Variants in NTRK2 observed in about 807,000 individuals in gnomAD.
NTRK2 encodes neurotrophic receptor tyrosine kinase 2.
In NTRK2, 13 loss-of-function variants were observed where a neutral mutation model predicts 94.5. The observed-to-expected ratio is 0.14, with a 90% CI of 0.09 to 0.22. NTRK2 has a LOEUF of 0.22. Among genes scored for constraint, NTRK2 ranks in the 10% least tolerant of loss-of-function variants. NTRK2 has a pLI of 1.00. For missense variants in NTRK2, 639 were observed against 1,071.2 expected (o/e 0.60, Z 5.63); for synonymous variants, 372 against 407.4 (o/e 0.91, Z 1.05).
At chr9:84,856,293 G>T (rs1318466786) in intron 12 of NTRK2, among the ~76,000 whole-genome samples, 1 of 152,144 alleles carries the variant, frequency 6.6e-6, no homozygotes, top group Non-Finnish European at 1.5e-5. Flanking sequence ...TGGAGATGGG[G>T]CTTTCTTTTA....
intron 17 of NTRK2, among the ~76,000 whole-genome samples, chr9:85,010,566 C>T (rs1386227986): frequency 2.6e-5 from 4 of 152,168 alleles, no homozygotes; most frequent in Non-Finnish European, 4.4e-5. Context: ...CACCAGGCAG[C>T]GTGGTGTATT....
chr9:84,706,810 G>A (rs1158592032), intron 4 of NTRK2, among the ~76,000 whole-genome samples: 1 of 151,948 alleles, frequency 6.6e-6, no homozygotes, highest in South Asian at 2.1e-4. Context: ...GATTACAGGC[G>A]TGAGCCACCG....
chr9:84,850,056 A>G (rs1331994049), intron 12 of NTRK2, among the ~76,000 whole-genome samples: 1 of 152,250 alleles, frequency 6.6e-6, no homozygotes, highest in African/African-American at 2.4e-5. Context: ...GGTGTTTATC[A>G]TAAGAGACAA....
chr9:84,904,050 TC>T, intron 14 of NTRK2, among the ~76,000 whole-genome samples: 1 of 152,172 alleles, frequency 6.6e-6, no homozygotes, highest in Non-Finnish European at 1.5e-5. Flanking sequence ...TCCTTTTAAA[TC>T]CGAAGTTATT....
intron 12 of NTRK2, among the ~76,000 whole-genome samples, chr9:84,787,791 A>G (rs774436341): frequency 6.6e-6 from 1 of 152,226 alleles, no homozygotes; most frequent in East Asian, 1.9e-4. Context: ...ATAAGGGACT[A>G]TCTATAAATC....
chr9:84,875,089 G>T (rs200774617), intron 14 of NTRK2: 2 of 1,059,550 alleles, frequency 1.9e-6, no homozygotes, highest in African/African-American at 1.6e-5. Context: ...CACTGATATC[G>T]TTTGGATATA....
At chr9:84,960,868 A>G (rs1455606320) in intron 17 of NTRK2, among the ~76,000 whole-genome samples, 1 of 152,180 alleles carries the variant, frequency 6.6e-6, no homozygotes, top group East Asian at 1.9e-4. Context: ...GGCACAGGGC[A>G]TGGCGCATAT....
chr9:84,694,432 T>C (rs527719558), intron 2 of NTRK2, among the ~76,000 whole-genome samples: 146 of 152,336 alleles, frequency 9.6e-4, no homozygotes, highest in African/African-American at 3.4e-3. Context: ...TAGTAAGCTC[T>C]TCAAATTTAG....
Position 84,860,891 on chromosome 9 carries a change from G to GTTTATTTA in NTRK2, c.1397-113_1397-106dup, listed in dbSNP as rs143811359. On this transcript the variant is annotated intron_variant, in intron 12 of 18. Coordinates refer to ENST00000277120, the MANE Select transcript of NTRK2 (RefSeq NM_006180.6). ...AGGAAGCTTTCATCCCAAGTGGTTT[G>GTTTATTTA]TTTATTTATTTATTTATTTATTTAT... 1,226 of 379,094 alleles carry GTTTATTTA rather than the reference G, an allele frequency of 3.2e-3. 7 individuals carry two copies. Among genetic ancestry groups the GTTTATTTA allele is most frequent in the African/African-American group, 0.018 (851 of 46,518 alleles). 23.5% of individuals were successfully genotyped at this position (379,094 alleles called of 1,614,324 possible).
chr9:84,875,783 A>T, intron 14 of NTRK2: 1 of 1,049,636 alleles, frequency 9.5e-7, no homozygotes, highest in East Asian at 5.4e-5. Flanking sequence ...TCCTCTCCTG[A>T]TGTCTCAGGC....
chr9:84,756,586 C>A (rs1168653447), intron 12 of NTRK2, among the ~76,000 whole-genome samples: 1 of 152,198 alleles, frequency 6.6e-6, no homozygotes. Flanking sequence ...CATATGATAT[C>A]TAATTCCTAA....
chr9:84,870,866 A>G (rs1794281350), intron 14 of NTRK2, among the ~76,000 whole-genome samples: 1 of 152,180 alleles, frequency 6.6e-6, no homozygotes. Context: ...CTAAAACTGC[A>G]TGCTATTCAA....
At chr9:84,811,226 G>A (rs2071747338) in intron 12 of NTRK2, 1 of 1,063,440 alleles carries the variant, frequency 9.4e-7, no homozygotes, top group African/African-American at 1.6e-5. Flanking sequence ...GTTTAGCTTA[G>A]GTCTGAGAGT....
chr9:84,921,579 T>C (rs1187037878), intron 14 of NTRK2, among the ~76,000 whole-genome samples: 1 of 152,234 alleles, frequency 6.6e-6, no homozygotes, highest in Non-Finnish European at 1.5e-5. Flanking sequence ...ATTCCACTGA[T>C]TTTATACAGC....
At chr9:84,807,434 T>C (rs1210164229) in intron 12 of NTRK2, among the ~76,000 whole-genome samples, 1 of 152,236 alleles carries the variant, frequency 6.6e-6, no homozygotes, top group Admixed American at 6.5e-5. Flanking sequence ...ATTTCTCAGA[T>C]AGCACCTGCT....
chr9:84,748,515 G>C (rs2064293585), intron 11 of NTRK2, among the ~76,000 whole-genome samples: 1 of 152,176 alleles, frequency 6.6e-6, no homozygotes, highest in Non-Finnish European at 1.5e-5. Context: ...ATCTCTTCTA[G>C]CTGTCATGAC....
intron 17 of NTRK2, among the ~76,000 whole-genome samples, chr9:84,997,226 G>A (rs563044678): frequency 9.0e-4 from 137 of 152,318 alleles, no homozygotes; most frequent in Middle Eastern, 3.4e-3. Flanking sequence ...GACCTGGGCA[G>A]GTGCAGCTAG....
chr9:85,002,842 G>T (rs143861370), intron 17 of NTRK2, among the ~76,000 whole-genome samples: 1 of 152,288 alleles, frequency 6.6e-6, no homozygotes, highest in Non-Finnish European at 1.5e-5. Context: ...TCTTGACCAT[G>T]AAGGTCTCAA....
chr9:85,021,419 C>T lies in NTRK2; in HGVS notation c.2499C>T (p.Tyr833=), dbSNP rs2118020275. ...ACTTGGCCAAGGCATCTCCGGTCTA[C>T]CTGGACATTCTAGGCTAGGGCCCTT... ...LQNLAKASPV[Y]LDILG Residue 833 remains tyrosine, a synonymous_variant, in exon 19 of 19, where the codon TAC becomes TAT. Transcript: ENST00000277120. 1 of 1,614,184 alleles carries T rather than the reference C, an allele frequency of 6.2e-7. No homozygotes were observed. Among genetic ancestry groups the T allele is most frequent in the Non-Finnish European group, 8.5e-7 (1 of 1,180,018 alleles).
Sources: allele counts gnomAD v4.1 joint callset (sites outside exome capture counted in the v4.1 genomes callset), GRCh38; gene constraint gnomAD v4.1.1; transcripts MANE v1.5; gene names NCBI Gene and HGNC (gene_info 2026-07-23, HGNC 2026-07-21).